The following AFF3 variants were observed in gnomAD, a reference collection of about 807,000 sequenced individuals.
The protein encoded by AFF3 is AF4/FMR2 family member 3.
AFF3 carries 32 observed loss-of-function variants against 129.7 expected under a neutral mutation model. That is an observed-to-expected ratio of 0.25 (90% CI 0.19 to 0.33). The LOEUF (loss-of-function observed/expected upper bound fraction) is 0.33, where lower values mean the gene tolerates loss of function less well. Among genes scored for constraint, AFF3 ranks in the 10% least tolerant of loss-of-function variants. The pLI is 1.00. For missense variants in AFF3, 1,373 were observed against 1,592.0 expected, an observed-to-expected ratio of 0.86 and a Z score of 2.34; for synonymous variants, 644 against 635.4, an observed-to-expected ratio of 1.01 and a Z score of -0.20.
intron 12 of AFF3, among the ~76,000 whole-genome samples, chr2:99,650,578 T>C (rs1685142288): frequency 1.3e-5 from 2 of 151,026 alleles, no homozygotes; most frequent in South Asian, 4.2e-4. Flanking sequence ...ATAAATAAAA[T>C]AAAAAAATTT....
chr2:99,860,694 T>C (rs1008053256), intron 7 of AFF3, among the ~76,000 whole-genome samples: 1 of 151,286 alleles, frequency 6.6e-6, no homozygotes, highest in Non-Finnish European at 1.5e-5. Context: ...CATCATTGCC[T>C]AGCCTGGGCA....
Position 99,593,258 on chromosome 2 carries a change from C to T in AFF3, c.2403G>A (p.Pro801=), listed in dbSNP as rs377427758. Residue 801 remains proline, a synonymous_variant, in exon 15 of 25, where the codon CCG becomes CCA. Coordinates refer to ENST00000672756, the MANE Select transcript of AFF3 (RefSeq NM_001386135.1). ...CAGGTGTGTCCGAGGTGTGGCTGGGCGGTGCGCTCTCAGAGTCCTTGGTGG... is the reference window on the plus strand; with the variant it reads ...CAGGTGTGTCCGAGGTGTGGCTGGGTGGTGCGCTCTCAGAGTCCTTGGTGG... ...APATKDSESA[P]PSHTSDTPAE... is the part of the protein sequence containing the mutation. 3.1e-6 allele frequency: 5 copies of T among 1,611,826 alleles called. No homozygotes were observed. The highest frequency in any genetic ancestry group is 2.2e-5 in the East Asian group (1 of 44,766).
intron 4 of AFF3, among the ~76,000 whole-genome samples, chr2:100,084,245 T>C (rs1187209426): frequency 6.6e-6 from 1 of 152,234 alleles, no homozygotes; most frequent in African/African-American, 2.4e-5. Context: ...CAGCTACAAT[T>C]AATAACAACT....
chr2:99,781,748 AATG>A (rs1684425099), intron 8 of AFF3, among the ~76,000 whole-genome samples: 1 of 152,206 alleles, frequency 6.6e-6, no homozygotes, highest in Non-Finnish European at 1.5e-5. Context: ...TCGATGAATA[AATG>A]AATGAATGAA....
At chr2:99,708,860 G>A (rs953465) in intron 11 of AFF3, among the ~76,000 whole-genome samples, 10 of 152,082 alleles carry the variant, frequency 6.6e-5, no homozygotes, top group Admixed American at 5.2e-4. Context: ...CCAAAATGCC[G>A]TTCTCTTATT....
At chr2:99,961,002 GCTAT>G in intron 7 of AFF3, among the ~76,000 whole-genome samples, 2 of 152,300 alleles carry the variant, frequency 1.3e-5, no homozygotes, top group South Asian at 4.1e-4. Flanking sequence ...GGGTGGACTT[GCTAT>G]CTGTTTTCTC....
chr2:99,786,693 T>A (rs1387023868), intron 8 of AFF3, among the ~76,000 whole-genome samples: 6 of 151,814 alleles, frequency 4.0e-5, no homozygotes, highest in Admixed American at 6.6e-5. Context: ...AAAAAAAAAA[T>A]AAACTATAAC....
In AFF3 at chr2:99,596,922, C is replaced by T. The variant is rs1679345695; in HGVS notation, c.1372-2633G>A. On this transcript the variant is annotated intron_variant, in intron 14 of 24. Coordinates refer to ENST00000672756, the MANE Select transcript of AFF3 (RefSeq NM_001386135.1). ...TTCCCTCAAGGATCTACAATAACCT[C>T]CTATTGCCTCTCAAACAAAATCCAA... 2.0e-5 allele frequency among the ~76,000 whole-genome samples: 3 copies of T among 152,172 alleles called. No homozygotes were observed. In the South Asian group the frequency reaches 6.2e-4, roughly 32 times the overall value.
At chr2:99,972,980 T>C (rs1180136766) in intron 7 of AFF3, among the ~76,000 whole-genome samples, 1 of 152,210 alleles carries the variant, frequency 6.6e-6, no homozygotes, top group Non-Finnish European at 1.5e-5. Context: ...TAGGAATAGA[T>C]GGGCATGCAA....
chr2:100,094,276 C>T (rs1330214437), intron 4 of AFF3, among the ~76,000 whole-genome samples: 2 of 152,006 alleles, frequency 1.3e-5, no homozygotes, highest in Admixed American at 1.3e-4. Context: ...AATAATTATA[C>T]AACTCACCAT....
intron 4 of AFF3, among the ~76,000 whole-genome samples, chr2:100,076,923 T>A (rs769254669): frequency 7.9e-5 from 12 of 152,148 alleles, no homozygotes; most frequent in Non-Finnish European, 1.5e-4. Context: ...TGTTCCCTTC[T>A]ATGACTTAAG....
chr2:99,551,554 G>A lies in AFF3; in HGVS notation c.3601C>T (p.Leu1201=), dbSNP rs993465059. The A allele has an allele frequency of 3.1e-6, 5 of 1,614,168 alleles. No individual in the cohort carries two copies. The highest frequency in any genetic ancestry group is 1.7e-4 in the Middle Eastern group (1 of 6,060). ...DLDLLMGPVT[L]HSSMEHLVQY... is the part of the protein sequence containing the mutation. ...ACCAGGTGCTCCATGCTGCTGTGCA[G>A]GGTGACCGGCCCCATGAGCAGATCC... Residue 1201 remains leucine (L), a synonymous_variant, in exon 25 of 25, where the codon CTG becomes TTG. Transcript: ENST00000672756.
chr2:100,104,361 G>C (rs1191714250), intron 4 of AFF3, 41 bp downstream of exon 4: 5 of 965,682 alleles, frequency 5.2e-6, no homozygotes, highest in Middle Eastern at 5.1e-4. Context: ...GCCGCCCCTC[G>C]CCGCTCCCGC....
At chr2:100,026,187 A>G (rs949077170) in intron 4 of AFF3, among the ~76,000 whole-genome samples, 7 of 152,182 alleles carry the variant, frequency 4.6e-5, no homozygotes, top group Admixed American at 2.6e-4. Context: ...TACAACAAAC[A>G]AACAAATCAG....
chr2:99,957,146 CGTGTGT>C (rs10602915), intron 7 of AFF3, among the ~76,000 whole-genome samples: 1 of 150,578 alleles, frequency 6.6e-6, no homozygotes, highest in African/African-American at 2.4e-5. Context: ...TGTGGACATA[CGTGTGT>C]GTGTGTGTGT....
chr2:99,636,386 CTG>C (rs2105446680), intron 13 of AFF3, among the ~76,000 whole-genome samples: 1 of 152,246 alleles, frequency 6.6e-6, no homozygotes, highest in African/African-American at 2.4e-5. Context: ...CTTACTTTGT[CTG>C]TGAAATAGAA....
At chr2:99,626,541 TTCTCCC>T (rs1682602754) in intron 13 of AFF3, among the ~76,000 whole-genome samples, 2 of 51,416 alleles carry the variant, frequency 3.9e-5, no homozygotes, top group Admixed American at 1.7e-4. Flanking sequence ...CCTCCCTCCC[TTCTCCC>T]TTCTCCCTCC....
At chr2:100,116,269 C>G (rs971428363) in intron 2 of AFF3, among the ~76,000 whole-genome samples, 2 of 151,278 alleles carry the variant, frequency 1.3e-5, no homozygotes, top group African/African-American at 4.9e-5. Context: ...ACATATAGCT[C>G]TATGTTTGCT....
intron 11 of AFF3, 63 bp from the exon 12 acceptor site, chr2:99,672,652 G>C (rs993057834): frequency 1.3e-5 from 19 of 1,464,720 alleles, no homozygotes; most frequent in Non-Finnish European, 1.7e-5. Context: ...GAATAATTCA[G>C]CACCAAAATA....
Sources: allele counts gnomAD v4.1 joint callset (sites outside exome capture counted in the v4.1 genomes callset), GRCh38; gene constraint gnomAD v4.1.1; transcripts MANE v1.5; gene names NCBI Gene and HGNC (gene_info 2026-07-23, HGNC 2026-07-21).